ROBO2: variants seen among roughly 807,000 people sequenced by gnomAD.
ROBO2 encodes roundabout guidance receptor 2, also known as roundabout homolog 2.
A neutral mutation model predicts 160.8 loss-of-function variants in ROBO2; 53 were observed. The observed-to-expected ratio is 0.33, with a 90% CI of 0.26 to 0.41. The LOEUF is 0.41. ROBO2 is among the 10% of genes least tolerant of loss of function. The probability of loss-of-function intolerance (pLI) is 1.00; values close to 1 mark genes in which losing one functional copy is unlikely to be tolerated. For synonymous variants in ROBO2, 664 were observed against 611.7 expected (o/e 1.09, Z -1.26); for missense variants, 1,577 against 1,722.4 (o/e 0.92, Z 1.49).
intron 2 of ROBO2, chr3:76,434,103 G>A (rs1027555358): frequency 3.1e-5 from 39 of 1,266,308 alleles, no homozygotes; most frequent in South Asian, 3.6e-5. Context: ...GACATGCACC[G>A]TGGGTATGGA....
chr3:76,152,555 T>C (rs1357549671), intron 2 of ROBO2, among the ~76,000 whole-genome samples: 1 of 152,132 alleles, frequency 6.6e-6, no homozygotes, highest in Non-Finnish European at 1.5e-5. Flanking sequence ...AATGTGTGCA[T>C]TTGTGTTAAT....
In ROBO2 at chr3:77,029,918, C is replaced by T. The variant is rs562286010; in HGVS notation, c.110-68096C>T. On this transcript the variant is annotated intron_variant, in intron 2 of 26. Coordinates refer to the ROBO2 transcript ENST00000487694. ...GGCCTCCTATCCTTGAACTATATAA[C>T]GAAAAGATTATCATAAAAATGCCAT... Among the ~76,000 whole-genome samples, 287 of 151,300 alleles carry T rather than the reference C, an allele frequency of 1.9e-3. 4 individuals carry two copies. Among genetic ancestry groups the T allele is most frequent in the African/African-American group, 6.4e-3 (263 of 41,286 alleles).
intron 2 of ROBO2, among the ~76,000 whole-genome samples, chr3:76,580,343 T>TTTTTTTTTTG (rs2085609952): frequency 6.9e-4 from 5 of 7,296 alleles, no homozygotes; most frequent in Non-Finnish European, 2.5e-3. Context: ...TTTTTTTGTG[T>TTTTTTTTTTG]TTTTTTTTTT....
intron 2 of ROBO2, among the ~76,000 whole-genome samples, chr3:77,131,509 A>G (rs2075850220): frequency 6.6e-6 from 1 of 152,188 alleles, no homozygotes; most frequent in African/African-American, 2.4e-5. Context: ...AAACAAACCA[A>G]CCAACCAACA....
chr3:77,369,183 G>A (rs767306372), intron 2 of ROBO2, among the ~76,000 whole-genome samples: 3 of 152,132 alleles, frequency 2.0e-5, no homozygotes, highest in Non-Finnish European at 4.4e-5. Context: ...CCCGGGGTGT[G>A]CTTCACACTC....
intron 2 of ROBO2, among the ~76,000 whole-genome samples, chr3:77,241,126 C>T (rs1213771763): frequency 1.3e-5 from 2 of 152,132 alleles, no homozygotes; most frequent in African/African-American, 4.8e-5. Context: ...ACAGAAATCT[C>T]TGTACTTTTT....
chr3:76,938,347 C>T lies in ROBO2; in HGVS notation c.110-159667C>T, dbSNP rs1330516129. ...CCAGCCTGGAGACAGAGCAAGACTC[C>T]GTCCCCCACCTACCCCCCCCAAAAA... On this transcript the variant is annotated intron_variant, in intron 2 of 26. Coordinates refer to the ROBO2 transcript ENST00000487694. 4.7e-5 allele frequency among the ~76,000 whole-genome samples: 7 copies of T among 148,174 alleles called. No individual in the cohort carries two copies. The South Asian group carries it at 6.4e-4, about 14-fold the overall frequency.
At chr3:76,806,449 C>T (rs2064721681) in intron 2 of ROBO2, among the ~76,000 whole-genome samples, 1 of 151,742 alleles carries the variant, frequency 6.6e-6, no homozygotes, top group Non-Finnish European at 1.5e-5. Context: ...AATATTTTAG[C>T]AAACTCATTC....
intron 2 of ROBO2, among the ~76,000 whole-genome samples, chr3:76,097,989 AC>A (rs1328733942): frequency 6.6e-6 from 1 of 151,638 alleles, no homozygotes; most frequent in East Asian, 1.9e-4. Context: ...ATTTTTTGAC[AC>A]CCTTGAAATT....
intron 2 of ROBO2, among the ~76,000 whole-genome samples, chr3:77,212,061 C>A (rs972074597): frequency 2.0e-5 from 3 of 152,112 alleles, no homozygotes; most frequent in African/African-American, 7.2e-5. Context: ...ACTGCAGGCT[C>A]TTTTTTGGTT....
intron 2 of ROBO2, among the ~76,000 whole-genome samples, chr3:77,196,932 G>T (rs1009978285): frequency 6.6e-6 from 1 of 151,332 alleles, no homozygotes; most frequent in African/African-American, 2.4e-5. Context: ...GAACAATTTG[G>T]CTTAATTAAA....
intron 2 of ROBO2, among the ~76,000 whole-genome samples, chr3:77,153,708 A>G (rs1006914873): frequency 6.6e-6 from 1 of 152,098 alleles, no homozygotes; most frequent in Non-Finnish European, 1.5e-5. Context: ...CCAACACGCA[A>G]AAGGTCAGAG....
chr3:76,209,635 T>G lies in ROBO2; in HGVS notation c.109+272033T>G, dbSNP rs148586147. ...ATAGGAAGGTAAGATTGGTGTTAAT[T>G]TTAAAGAGAGTTGACATCAAATAAT... On this transcript the variant is annotated intron_variant, in intron 2 of 26. Coordinates refer to the ROBO2 transcript ENST00000487694. 1.3e-3 allele frequency among the ~76,000 whole-genome samples: 193 copies of G among 152,250 alleles called. No homozygotes were observed. In the Middle Eastern group the frequency reaches 0.014, roughly 11 times the overall value.
intron 2 of ROBO2, among the ~76,000 whole-genome samples, chr3:76,394,850 G>C (rs1435941184): frequency 2.0e-5 from 3 of 152,102 alleles, no homozygotes; most frequent in Non-Finnish European, 4.4e-5. Context: ...CCTACAAAGA[G>C]ACTTAGATTC....
intron 2 of ROBO2, among the ~76,000 whole-genome samples, chr3:76,092,632 C>T (rs999965075): frequency 4.6e-5 from 7 of 152,098 alleles, no homozygotes; most frequent in African/African-American, 9.7e-5. Flanking sequence ...TCATAAATTC[C>T]GAACTTGTTT....
chr3:76,665,858 C>T (rs1053800971), intron 2 of ROBO2, among the ~76,000 whole-genome samples: 9 of 141,400 alleles, frequency 6.4e-5, no homozygotes, highest in South Asian at 2.1e-4. Context: ...TGTGATTGTA[C>T]GTGTATGTAT....
At chr3:76,861,124 C>T (rs1418946823) in intron 2 of ROBO2, among the ~76,000 whole-genome samples, 2 of 152,298 alleles carry the variant, frequency 1.3e-5, no homozygotes, top group African/African-American at 4.8e-5. Flanking sequence ...TTGTCCCTTT[C>T]TCTGACATTA....
intron 1 of ROBO2, among the ~76,000 whole-genome samples, chr3:77,050,773 G>C (rs2065150679): frequency 6.6e-6 from 1 of 151,178 alleles, no homozygotes; most frequent in African/African-American, 2.4e-5. Context: ...CAGTACTTTG[G>C]GAGACTGGGA....
chr3:76,438,522 C>T (rs955257447), intron 2 of ROBO2, among the ~76,000 whole-genome samples: 1 of 151,512 alleles, frequency 6.6e-6, no homozygotes, highest in Non-Finnish European at 1.5e-5. Context: ...ACTGCTCTAC[C>T]TAATATTGTA....
Sources: gnomAD v4.1 joint callset for allele counts (sites outside exome capture counted in the v4.1 genomes callset) on GRCh38, gnomAD v4.1.1 for gene constraint, MANE v1.5 for transcripts, NCBI Gene and HGNC (gene_info 2026-07-23, HGNC 2026-07-21) for gene names.